PCDH11X: variants seen among roughly 807,000 people sequenced by gnomAD.
The protein encoded by PCDH11X is protocadherin-11 X-linked.
In PCDH11X, 18 loss-of-function variants were observed where a neutral mutation model predicts 53.3. The observed-to-expected ratio is 0.34, with a 90% CI of 0.23 to 0.50. The LOEUF is 0.50. Ranked by LOEUF, PCDH11X falls within the 20% of genes least tolerant of loss-of-function variation. The pLI is 0.98. For missense variants in PCDH11X, 570 were observed against 1,032.4 expected (o/e 0.55, Z 6.14); for synonymous variants, 279 against 393.3 (o/e 0.71, Z 3.44).
chrX:92,120,155 CTTTTTTTTTTTTT>C (rs764997941), intron 6 of PCDH11X, among the ~76,000 whole-genome samples: 88 of 60,700 alleles, frequency 1.4e-3, no homozygotes, highest in African/African-American at 4.6e-3. Context: ...ACTTTTCTTT[CTTTTTTTTTTTTT>C]TTTTTTTTTT....
chrX:91,923,549 C>T (rs1941827658), intron 6 of PCDH11X, among the ~76,000 whole-genome samples: 1 of 109,354 alleles, frequency 9.1e-6, no homozygotes, highest in Non-Finnish European at 1.9e-5. Context: ...GGGTCCTGGG[C>T]CTTGGGCCAC....
chrX:92,588,093 C>T (rs1337168293), intron 10 of PCDH11X, among the ~76,000 whole-genome samples: 2 of 91,564 alleles, frequency 2.2e-5, no homozygotes, highest in African/African-American at 8.1e-5. Context: ...AATTGAACCT[C>T]GCTAATTCAC....
At chrX:92,293,588 A>C (rs6522517) in intron 8 of PCDH11X, among the ~76,000 whole-genome samples, 13,655 of 101,299 alleles carry the variant, frequency 0.13, 1,731 homozygotes, top group East Asian at 0.43. Context: ...GCGCCACTGC[A>C]CTCCAGCCTG....
intron 6 of PCDH11X, among the ~76,000 whole-genome samples, chrX:92,190,744 T>C (rs190280670): frequency 3.6e-5 from 4 of 111,950 alleles, no homozygotes; most frequent in Non-Finnish European, 3.8e-5. Context: ...TAATCACAAA[T>C]TACTGCTTAA....
chrX:91,859,311 G>A (rs1178891233), intron 5 of PCDH11X, among the ~76,000 whole-genome samples: 3 of 105,241 alleles, frequency 2.9e-5, no homozygotes, highest in African/African-American at 1.0e-4. Flanking sequence ...ACTTTTTAAT[G>A]TTTTTTTTTC....
At chrX:92,229,502 T>C (rs1433030326) in intron 7 of PCDH11X, among the ~76,000 whole-genome samples, 1 of 110,667 alleles carries the variant, frequency 9.0e-6, no homozygotes, top group Non-Finnish European at 1.9e-5. Context: ...AGTTTTCAAC[T>C]TACTATGTGA....
chrX:92,499,277 A>T (rs1366066614), intron 10 of PCDH11X, among the ~76,000 whole-genome samples: 9 of 92,922 alleles, frequency 9.7e-5, no homozygotes, highest in Non-Finnish European at 1.7e-4. Context: ...TATCTAAGTT[A>T]ATTTAGATTT....
intron 6 of PCDH11X, among the ~76,000 whole-genome samples, chrX:92,139,602 T>G (rs990527651): frequency 2.4e-4 from 27 of 110,634 alleles, no homozygotes; most frequent in African/African-American, 8.2e-4. Context: ...TGCACGTAAA[T>G]GTACTTCACT....
At chrX:92,359,668 G>A (rs1412721471) in intron 8 of PCDH11X, among the ~76,000 whole-genome samples, 1 of 110,990 alleles carries the variant, frequency 9.0e-6, no homozygotes, top group Admixed American at 9.6e-5. Flanking sequence ...GCAGCTGCAA[G>A]CATATGATAT....
intron 9 of PCDH11X, among the ~76,000 whole-genome samples, chrX:92,446,331 A>G (rs1175215792): frequency 9.0e-6 from 1 of 110,644 alleles, no homozygotes; most frequent in East Asian, 2.9e-4. Flanking sequence ...TGAATATGTT[A>G]TATGCAATGA....
intron 6 of PCDH11X, among the ~76,000 whole-genome samples, chrX:92,143,434 T>G (rs2065220225): frequency 8.9e-6 from 1 of 112,303 alleles, no homozygotes; most frequent in South Asian, 3.6e-4. Flanking sequence ...CCTAGGGACT[T>G]GGTGCCCTGT....
intron 9 of PCDH11X, among the ~76,000 whole-genome samples, chrX:92,407,366 T>C (rs1441193302): frequency 9.1e-6 from 1 of 109,427 alleles, no homozygotes; most frequent in East Asian, 2.9e-4. Context: ...TTATTAAAAT[T>C]GTTGAGTTGC....
At chrX:91,985,708 T>C (rs755235450) in intron 6 of PCDH11X, among the ~76,000 whole-genome samples, 1 of 111,375 alleles carries the variant, frequency 9.0e-6, no homozygotes, top group South Asian at 3.8e-4. Flanking sequence ...AATACAACCT[T>C]CTTGTCTTCT....
intron 8 of PCDH11X, among the ~76,000 whole-genome samples, chrX:92,379,975 A>C (rs770748664): frequency 7.4e-5 from 7 of 94,305 alleles, no homozygotes; most frequent in Non-Finnish European, 1.3e-4. Context: ...CTGAAACACC[A>C]CCCCCCCCAC....
chrX:92,404,378 T>G (rs1213727764), intron 9 of PCDH11X, among the ~76,000 whole-genome samples: 1 of 109,116 alleles, frequency 9.2e-6, no homozygotes, highest in African/African-American at 3.3e-5. Context: ...ATCATGTGTA[T>G]CATGCCTACT....
chrX:92,110,623 T>G (rs191789128), intron 6 of PCDH11X, among the ~76,000 whole-genome samples: 1 of 111,544 alleles, frequency 9.0e-6, no homozygotes, highest in African/African-American at 3.3e-5. Context: ...CAGCTATGCA[T>G]TTTTGTCTGG....
chrX:92,524,747 C>T (rs2074421693), intron 10 of PCDH11X, among the ~76,000 whole-genome samples: 1 of 111,028 alleles, frequency 9.0e-6, no homozygotes, highest in Non-Finnish European at 1.9e-5. Context: ...ACTTGCCATT[C>T]CCTTGAGATG....
chrX:92,460,306 A>C (rs1324779461), intron 9 of PCDH11X: 5 of 786,386 alleles, frequency 6.4e-6, no homozygotes, highest in Non-Finnish European at 9.6e-6. Context: ...CTTCATGAAG[A>C]ACCACGAAGA....
At chrX:92,124,683 C>T (rs1303354682) in intron 6 of PCDH11X, among the ~76,000 whole-genome samples, 2 of 109,282 alleles carry the variant, frequency 1.8e-5, no homozygotes, top group Non-Finnish European at 3.8e-5. Context: ...GAAAGCATCC[C>T]AAGGTTTTCA....
Sources: gnomAD v4.1 joint callset for allele counts (sites outside exome capture counted in the v4.1 genomes callset) on GRCh38, gnomAD v4.1.1 for gene constraint, MANE v1.5 for transcripts, NCBI Gene and HGNC (gene_info 2026-07-23, HGNC 2026-07-21) for gene names.